Variants in GRM7 observed in about 807,000 individuals in gnomAD.
GRM7 encodes the protein glutamate metabotropic receptor 7.
Under a neutral mutation model 84.5 loss-of-function variants are expected in GRM7, and 35 were observed. The observed-to-expected ratio is 0.41, with a 90% CI of 0.32 to 0.55. GRM7 has a LOEUF of 0.55. GRM7 is among the 20% of genes least tolerant of loss of function. GRM7 has a pLI of 0.19. For missense variants in GRM7, 1,003 were observed against 1,194.6 expected (o/e 0.84, Z 2.36); for synonymous variants, 487 against 455.1 (o/e 1.07, Z -0.89).
Position 7,572,823 on chromosome 3 carries a change from A to AAT in GRM7, c.1516-5543_1516-5542dup, listed in dbSNP as rs1158871205. On this transcript the variant is annotated intron_variant, in intron 7 of 9. Transcript: ENST00000357716. Reference sequence around the variant, plus strand: ...GGCGACAGAGTGAGACTCTATCTCAAATATATATATATATATATATATATA... The same window carrying AAT: ...GGCGACAGAGTGAGACTCTATCTCAAATATATATATATATATATATATATATA... Among the ~76,000 whole-genome samples the AAT allele has an allele frequency of 6.7e-3, 83 of 12,420 alleles. 2 individuals are homozygous for AAT. Among genetic ancestry groups the AAT allele is most frequent in the Non-Finnish European group, 8.0e-3 (52 of 6,532 alleles). The allele number at this position is 12,420 out of a possible 152,430, so 8.1% of individuals were successfully genotyped here.
At chr3:7,669,913 TCAACAGTG>T (rs1233772324) in intron 8 of GRM7, among the ~76,000 whole-genome samples, 1 of 147,008 alleles carries the variant, frequency 6.8e-6, no homozygotes, top group Non-Finnish European at 1.5e-5. Context: ...TACACTTTTG[TCAACAGTG>T]CAACAGTGTC....
At chr3:7,362,345 C>CAG (rs140767899) in intron 4 of GRM7, among the ~76,000 whole-genome samples, 14,477 of 151,742 alleles carry the variant, frequency 0.095, 864 homozygotes, top group African/African-American at 0.17. Context: ...AAAGAATACA[C>CAG]ACACACACAC....
intron 2 of GRM7, among the ~76,000 whole-genome samples, chr3:7,290,058 AT>A (rs1699568626): frequency 1.3e-5 from 2 of 152,298 alleles, no homozygotes; most frequent in South Asian, 4.1e-4. Flanking sequence ...TCTTATTAGT[AT>A]TTTATGTTAA....
chr3:7,392,418 G>A (rs1243919131), intron 4 of GRM7, among the ~76,000 whole-genome samples: 1 of 152,212 alleles, frequency 6.6e-6, no homozygotes, highest in African/African-American at 2.4e-5. Context: ...CCACGCTCCA[G>A]AGCAAGCCCT....
At chr3:7,131,548 G>A (rs549698025) in intron 1 of GRM7, among the ~76,000 whole-genome samples, 6 of 152,110 alleles carry the variant, frequency 3.9e-5, no homozygotes, top group East Asian at 1.9e-4. Context: ...GCACGATCTC[G>A]GCTCACTGAA....
chr3:7,001,569 G>A (rs998100967), intron 1 of GRM7, among the ~76,000 whole-genome samples: 1 of 152,082 alleles, frequency 6.6e-6, no homozygotes. Context: ...GCTTGTTTCA[G>A]GTTTTAAAAT....
At chr3:7,501,747 A>G (rs1166770491) in intron 7 of GRM7, among the ~76,000 whole-genome samples, 1 of 152,226 alleles carries the variant, frequency 6.6e-6, no homozygotes, top group Non-Finnish European at 1.5e-5. Flanking sequence ...TATTTGAGCT[A>G]TTTGAACAGC....
intron 1 of GRM7, among the ~76,000 whole-genome samples, chr3:7,044,304 C>T (rs955548434): frequency 6.6e-6 from 1 of 152,022 alleles, no homozygotes; most frequent in Admixed American, 6.6e-5. Flanking sequence ...AAGTCTATAC[C>T]AAAAGCTTTA....
chr3:7,087,575 A>G (rs1380025628), intron 1 of GRM7, among the ~76,000 whole-genome samples: 1 of 152,128 alleles, frequency 6.6e-6, no homozygotes, highest in African/African-American at 2.4e-5. Flanking sequence ...TTATTCCCTG[A>G]TAAAATTGTT....
intron 1 of GRM7, among the ~76,000 whole-genome samples, chr3:6,947,513 T>C (rs1309494965): frequency 6.6e-6 from 1 of 152,204 alleles, no homozygotes; most frequent in Non-Finnish European, 1.5e-5. Context: ...TCTAAAATTC[T>C]CTCTTTTTTG....
chr3:7,177,466 T>C lies in GRM7; in HGVS notation c.736+30798T>C, dbSNP rs1293565911. The stretch of plus-strand genomic sequence containing the variant: ...TTGATTCATCCAGGTAACCAGTTGA[T>C]ATCTTGTAGTTATTAGCTATAATAA... On this transcript the variant is annotated intron_variant, in intron 2 of 9. Coordinates refer to ENST00000357716, the MANE Select transcript of GRM7 (RefSeq NM_000844.4). 2.0e-5 allele frequency among the ~76,000 whole-genome samples: 3 copies of C among 150,560 alleles called. 1 individual carries two copies. In the East Asian group the frequency reaches 5.9e-4, roughly 30 times the overall value.
At chr3:6,933,748 C>A (rs339017) in intron 1 of GRM7, among the ~76,000 whole-genome samples, 46,986 of 148,690 alleles carry the variant, frequency 0.32, 8,075 homozygotes, top group Non-Finnish European at 0.4. Context: ...AAAAAAAAAA[C>A]AAAACAAAAC....
chr3:6,876,295 A>G (rs1695300097), intron 1 of GRM7, among the ~76,000 whole-genome samples: 1 of 151,658 alleles, frequency 6.6e-6, no homozygotes, highest in African/African-American at 2.4e-5. Context: ...TTATGGCATG[A>G]ATCAAGGGCC....
At chr3:7,003,935 A>G (rs1259046321) in intron 1 of GRM7, among the ~76,000 whole-genome samples, 2 of 152,142 alleles carry the variant, frequency 1.3e-5, no homozygotes, top group African/African-American at 2.4e-5. Context: ...TGGAGGCTCT[A>G]CTTCCTACAT....
chr3:7,042,971 T>C (rs1252227445), intron 1 of GRM7, among the ~76,000 whole-genome samples: 1 of 152,222 alleles, frequency 6.6e-6, no homozygotes, highest in Non-Finnish European at 1.5e-5. Flanking sequence ...TTTTCATCTT[T>C]CTTTTAAGAT....
rs1234987891 is a variant in GRM7 at position 6,863,918 on chromosome 3, A to G, written c.519+2011A>G. Among the ~76,000 whole-genome samples the G allele has an allele frequency of 6.6e-6, 1 of 152,184 alleles. No individual in the cohort carries two copies. Among genetic ancestry groups the G allele is most frequent in the African/African-American group, 2.4e-5 (1 of 41,442 alleles). On this transcript the variant is annotated intron_variant, in intron 1 of 9. Coordinates refer to ENST00000357716, the MANE Select transcript of GRM7 (RefSeq NM_000844.4). This position sits in a 1 kb window ranked among gnomAD's most constrained non-coding sequence, Gnocchi z 4.8. The stretch of plus-strand genomic sequence containing the variant: ...AAAGTCAAGAAAGGGGTTACAGACT[A>G]GGCTGAGGGACTGTGTTTGCTGAAA...
intron 7 of GRM7, among the ~76,000 whole-genome samples, chr3:7,553,817 A>T (rs1222111117): frequency 6.6e-6 from 1 of 152,184 alleles, no homozygotes; most frequent in African/African-American, 2.4e-5. Flanking sequence ...TTACAATTCG[A>T]TATGAGATTT....
chr3:7,296,774 C>T (rs914340247), intron 2 of GRM7, among the ~76,000 whole-genome samples: 1 of 151,458 alleles, frequency 6.6e-6, no homozygotes, highest in Non-Finnish European at 1.5e-5. Context: ...TCTCAGTCTA[C>T]ATTTCATATA....
At chr3:6,879,436 A>G (rs1446018099) in intron 1 of GRM7, among the ~76,000 whole-genome samples, 2 of 152,198 alleles carry the variant, frequency 1.3e-5, no homozygotes, top group Non-Finnish European at 2.9e-5. Context: ...ATTTTGAAAG[A>G]TATAACACAC....
Sources: allele counts gnomAD v4.1 joint callset (sites outside exome capture counted in the v4.1 genomes callset), GRCh38; gene constraint gnomAD v4.1.1; non-coding constraint Gnocchi (gnomAD v3.1); transcripts MANE v1.5; gene names NCBI Gene and HGNC (gene_info 2026-07-23, HGNC 2026-07-21).